WDR31: variants seen among roughly 807,000 people sequenced by gnomAD.
WDR31 encodes WD repeat domain 31.
In WDR31, 30 loss-of-function variants were observed where a neutral mutation model predicts 47.3. That is an observed-to-expected ratio of 0.63 (90% CI 0.47 to 0.86). The LOEUF (loss-of-function observed/expected upper bound fraction) is 0.86, where lower values mean the gene tolerates loss of function less well. Among genes scored for constraint, WDR31 ranks in the 40% least tolerant of loss-of-function variants. The probability of loss-of-function intolerance (pLI) is 0.00; values close to 1 mark genes in which losing one functional copy is unlikely to be tolerated. For missense variants in WDR31, 406 were observed against 442.9 expected (o/e 0.92, Z 0.75); for synonymous variants, 137 against 159.4 (o/e 0.86, Z 1.06).
At chr9:113,339,871 G>A (rs1320058120) in intron 1 of WDR31, among the ~76,000 whole-genome samples, 1 of 152,114 alleles carries the variant, frequency 6.6e-6, no homozygotes, top group African/African-American at 2.4e-5. Context: ...TTCCCAAGTA[G>A]CTACAGGCGC....
In WDR31 at chr9:113,316,651, G is replaced by A; in HGVS notation, c.*98C>T. 1 of 1,414,586 alleles carries A rather than the reference G, an allele frequency of 7.1e-7. No individual in the cohort carries two copies. The highest frequency in any genetic ancestry group is 9.5e-7 in the Non-Finnish European group (1 of 1,048,588). The allele number at this position is 1,414,586 out of a possible 1,614,324, so 87.6% of individuals were successfully genotyped here. A position where few individuals can be genotyped will look rare whatever the true frequency, so the allele number is the denominator to read the frequency against. Reference sequence around the variant, plus strand: ...AAATGAACCTAAGCAAAGAATACCAGCCCTACATCCCACTCCCCTCAAGAT... The same window carrying A: ...AAATGAACCTAAGCAAAGAATACCAACCCTACATCCCACTCCCCTCAAGAT... On this transcript the variant is annotated 3_prime_UTR_variant, in exon 11 of 11. Coordinates refer to ENST00000374193, the MANE Select transcript of WDR31 (RefSeq NM_001012361.4).
At chr9:113,332,244 T>G (rs897837150) in intron 2 of WDR31, among the ~76,000 whole-genome samples, 194 bp from the exon 3 acceptor site, 1 of 152,150 alleles carries the variant, frequency 6.6e-6, no homozygotes, top group Non-Finnish European at 1.5e-5. Flanking sequence ...AGAAGTCCTG[T>G]AATAAGTAAA....
chr9:113,335,192 C>T, intron 2 of WDR31, among the ~76,000 whole-genome samples: 1 of 152,222 alleles, frequency 6.6e-6, no homozygotes, highest in East Asian at 1.9e-4. Context: ...TTCAAAGGTG[C>T]TCCTCCACTC....
chr9:113,331,952 A>G lies in WDR31; in HGVS notation c.71T>C (p.Met24Thr), dbSNP rs769985963. The change falls in exon 3 of 11, where the codon ATG becomes ACG. Residue 24 changes from methionine to threonine, a missense_variant. Met to Thr is a moderately conservative substitution (Grantham distance 81). Coordinates refer to ENST00000374193, the MANE Select transcript of WDR31 (RefSeq NM_001012361.4). The part of the protein sequence containing the change: ...QKVSFRFCVV[M>T]GKQQSKLKHS... ...TTTGAGTTTGCTTTGCTGTTTCCCC[A>G]TCACGACACAAAACCTAAACGAAAC... 1 of 1,613,944 alleles carries G rather than the reference A, an allele frequency of 6.2e-7. No homozygotes were observed. The highest frequency in any genetic ancestry group is 1.1e-5 in the South Asian group (1 of 91,078).
Position 113,332,013 on chromosome 9 carries a change from G to A in WDR31, c.10C>T (p.Leu4Phe). 1 of 1,613,910 alleles carries A rather than the reference G, an allele frequency of 6.2e-7. No individual in the cohort carries two copies. The highest frequency in any genetic ancestry group is 8.5e-7 in the Non-Finnish European group (1 of 1,179,810). The change falls in exon 3 of 11, where the codon CTC becomes TTC. Residue 4 changes from leucine (L) to phenylalanine (F), a missense_variant. Coordinates refer to ENST00000374193, the MANE Select transcript of WDR31 (RefSeq NM_001012361.4). MLL[L>F]RCQLKQAPPQ... Reference sequence around the variant, plus strand: ...GGAGCTTGTTTCAGTTGGCACCTGAGTAGCAGCATCCCTTGTGGCTGCTGG... The same window carrying A: ...GGAGCTTGTTTCAGTTGGCACCTGAATAGCAGCATCCCTTGTGGCTGCTGG...
At chr9:113,322,983 C>T in intron 6 of WDR31, 28 bp downstream of exon 6, 2 of 1,613,630 alleles carry the variant, frequency 1.2e-6, no homozygotes, top group Non-Finnish European at 1.7e-6. Context: ...AGCACAAAGG[C>T]ATTGGGAAGA....
intron 5 of WDR31, among the ~76,000 whole-genome samples, chr9:113,325,389 C>G (rs1833439161): frequency 1.3e-5 from 2 of 152,124 alleles, no homozygotes; most frequent in African/African-American, 4.8e-5. Flanking sequence ...TTCCTTCCAT[C>G]TTTTCTGTTG....
At chr9:113,332,228 A>C (rs1032223710) in intron 2 of WDR31, among the ~76,000 whole-genome samples, 178 bp from the exon 3 acceptor site, 2 of 152,262 alleles carry the variant, frequency 1.3e-5, no homozygotes, top group Non-Finnish European at 2.9e-5. Context: ...ATTTTAAAAA[A>C]GACTAAGAAG....
intron 5 of WDR31, among the ~76,000 whole-genome samples, chr9:113,324,865 TGTG>T: frequency 7.2e-6 from 1 of 138,124 alleles, no homozygotes; most frequent in African/African-American, 2.6e-5. Flanking sequence ...TGTGTGTGTG[TGTG>T]TGTGTACAAA....
chr9:113,316,917 G>T lies in WDR31; in HGVS notation c.944-8C>A. The T allele has an allele frequency of 6.2e-7, 1 of 1,612,514 alleles. No homozygotes were observed. Among genetic ancestry groups the T allele is most frequent in the Non-Finnish European group, 8.5e-7 (1 of 1,179,304 alleles). On this transcript the variant is annotated splice_polypyrimidine_tract_variant and splice_region_variant and intron_variant, in intron 10 of 10. Transcript: ENST00000374193. ...ACAAGGTGAAAAGGCAGGCTGGGGG[G>T]GAAAGGGGGACCAGCAGATTAGGCC...
In WDR31 at chr9:113,320,462, C is replaced by T. The variant is rs1833301787; in HGVS notation, c.675G>A (p.Met225Ile). ...WDSRGLQVAH[M>I]FPAKQHIQTY... ...TCTGAATGTGCTGCTTTGCAGGAAACATATGAGCTACCTGCAGCCCCCGAC... is the reference window on the plus strand; with the variant it reads ...TCTGAATGTGCTGCTTTGCAGGAAATATATGAGCTACCTGCAGCCCCCGAC... The change falls in exon 9 of 11, where the codon ATG becomes ATA. Residue 225 changes from methionine (M) to isoleucine (I), a missense_variant. Physicochemically the swap from Met to Ile is conservative, Grantham distance 10. Transcript: ENST00000374193. The T allele has an allele frequency of 1.9e-6, 3 of 1,614,222 alleles. No homozygotes were observed. The highest frequency in any genetic ancestry group is 2.2e-5 in the South Asian group (2 of 91,080).
chr9:113,321,541 A>G lies in WDR31; in HGVS notation c.608T>C (p.Ile203Thr), dbSNP rs750080991. The change falls in exon 8 of 11, where the codon ATA (isoleucine) becomes ACA (threonine). Residue 203 changes from isoleucine to threonine, a missense_variant. By Grantham distance (89) the Ile-to-Thr change is moderately conservative. Coordinates refer to ENST00000374193, the MANE Select transcript of WDR31 (RefSeq NM_001012361.4). ...HLCWVPREPY[I>T]LQTSEDKTLR... ...GGTTTTATCTTCAGAGGTCTGTAGTATGTATGGTTCTCTGGGGACCCAGCA... is the reference window on the plus strand; with the variant it reads ...GGTTTTATCTTCAGAGGTCTGTAGTGTGTATGGTTCTCTGGGGACCCAGCA... 1 of 1,614,052 alleles carries G rather than the reference A, an allele frequency of 6.2e-7. No homozygotes were observed. Among genetic ancestry groups the G allele is most frequent in the Non-Finnish European group, 8.5e-7 (1 of 1,180,018 alleles).
chr9:113,325,155 A>G (rs2118808698), intron 5 of WDR31, among the ~76,000 whole-genome samples: 1 of 151,452 alleles, frequency 6.6e-6, no homozygotes, highest in South Asian at 2.1e-4. Context: ...GAGTTTTGCC[A>G]TGTTGGCCAG....
At chr9:113,337,947 A>G (rs1198427959) in intron 1 of WDR31, among the ~76,000 whole-genome samples, 1 of 152,234 alleles carries the variant, frequency 6.6e-6, no homozygotes, top group Non-Finnish European at 1.5e-5. Flanking sequence ...GATATCAAAT[A>G]GTTTGCTCAA....
At chr9:113,324,375 T>A (rs886206770) in intron 5 of WDR31, among the ~76,000 whole-genome samples, 1 of 150,062 alleles carries the variant, frequency 6.7e-6, no homozygotes, top group Non-Finnish European at 1.5e-5. Context: ...GTAACATGTA[T>A]CAGAATTTCA....
rs771901789 is a variant in WDR31 at position 113,331,973 on chromosome 9, G to A, written c.50C>T (p.Ser17Leu). 1.3e-5 allele frequency: 21 copies of A among 1,613,896 alleles called. No individual in the cohort carries two copies. The African/African-American group carries it at 1.5e-4, about 11-fold the overall frequency. The part of the protein sequence containing the change: ...QLKQAPPQKV[S>L]FRFCVVMGKQ... ...CCCCATCACGACACAAAACCTAAAC[G>A]AAACCTTCTGTGGAGGAGCTTGTTT... The change falls in exon 3 of 11, where the codon TCG becomes TTG. Residue 17 changes from serine to leucine, a missense_variant. Ser to Leu is a moderately radical substitution (Grantham distance 145). Coordinates refer to ENST00000374193, the MANE Select transcript of WDR31 (RefSeq NM_001012361.4).
chr9:113,331,595 T>C (rs1037704930), intron 3 of WDR31, among the ~76,000 whole-genome samples: 1 of 152,204 alleles, frequency 6.6e-6, no homozygotes, highest in Admixed American at 6.5e-5. Context: ...TACAGGCTCA[T>C]GCCATTATGC....
At chr9:113,325,983 C>G (rs1447336364) in intron 5 of WDR31, among the ~76,000 whole-genome samples, 1 of 152,158 alleles carries the variant, frequency 6.6e-6, no homozygotes, top group East Asian at 1.9e-4. Flanking sequence ...GTGATCTCAG[C>G]TCACCACAAC....
rs188366913 is a variant in WDR31 at position 113,320,505 on chromosome 9, G to A, written c.639-7C>T. Reference sequence around the variant, plus strand: ...CCCCCGACTGTCCCATAATCTGAAAGAGATTAGGGCAGGAAATTAGCTTGT... The same window carrying A: ...CCCCCGACTGTCCCATAATCTGAAAAAGATTAGGGCAGGAAATTAGCTTGT... On this transcript the variant is annotated splice_polypyrimidine_tract_variant and splice_region_variant and intron_variant, in intron 8 of 10. Coordinates refer to ENST00000374193, the MANE Select transcript of WDR31 (RefSeq NM_001012361.4). 6.0e-4 allele frequency: 974 copies of A among 1,612,936 alleles called. 12 individuals are homozygous for A. The highest frequency in any genetic ancestry group is 4.9e-3 in the South Asian group (441 of 90,806).
Sources: allele counts gnomAD v4.1 joint callset (sites outside exome capture counted in the v4.1 genomes callset), GRCh38; gene constraint gnomAD v4.1.1; transcripts MANE v1.5; gene names NCBI Gene and HGNC (gene_info 2026-07-23, HGNC 2026-07-21).